The following ZNF609 variants were observed in gnomAD, a reference collection of about 807,000 sequenced individuals.
ZNF609 encodes zinc finger protein 609.
Under a neutral mutation model 109.5 loss-of-function variants are expected in ZNF609, and 11 were observed. The observed-to-expected ratio is 0.10, with a 90% confidence interval of 0.06 to 0.17. The LOEUF is 0.17. ZNF609 is among the 10% of genes least tolerant of loss of function. The probability of loss-of-function intolerance (pLI) is 1.00; values close to 1 mark genes in which losing one functional copy is unlikely to be tolerated. For synonymous variants in ZNF609, 646 were observed against 662.0 expected (o/e 0.98, Z 0.37); for missense variants, 1,559 against 1,772.4 (o/e 0.88, Z 2.16).
At chr15:64,667,717 A>G (rs926126236) in intron 3 of ZNF609, among the ~76,000 whole-genome samples, 2 of 152,028 alleles carry the variant, frequency 1.3e-5, no homozygotes, top group Admixed American at 6.6e-5. Flanking sequence ...TGTCTCAAAA[A>G]AAAAAGAAAA....
intron 3 of ZNF609, chr15:64,631,279 CTATCT>C: frequency 1.5e-6 from 1 of 661,780 alleles, no homozygotes; most frequent in East Asian, 3.0e-5. Flanking sequence ...TTTCAGGAAG[CTATCT>C]TGGCTTTTAG....
chr15:64,499,966 C>A lies in ZNF609; in HGVS notation c.547C>A (p.Pro183Thr). 1 of 1,614,042 alleles carries A rather than the reference C, an allele frequency of 6.2e-7. No individual in the cohort carries two copies. The highest frequency in any genetic ancestry group is 8.5e-7 in the Non-Finnish European group (1 of 1,180,000). Residue 183 changes from proline (P) to threonine (T), a missense_variant, in exon 2 of 10, where the codon CCT becomes ACT. Transcript: ENST00000326648. ...EGVGTCSEKDPGVLQPVPLGG... is the reference protein window; with the variant it reads ...EGVGTCSEKDTGVLQPVPLGG... The stretch of plus-strand genomic sequence containing the variant: ...AGTGGGGACTTGTTCAGAAAAGGAT[C>A]CTGGGGTCCTCCAGCCAGTTCCCTT...
chr15:64,598,549 G>T (rs1284068686), intron 2 of ZNF609, among the ~76,000 whole-genome samples: 4 of 151,164 alleles, frequency 2.6e-5, no homozygotes, highest in African/African-American at 9.7e-5. Flanking sequence ...ACATTAATGG[G>T]CCAATATAGT....
At chr15:64,543,586 G>A (rs528508015) in intron 2 of ZNF609, among the ~76,000 whole-genome samples, 8 of 151,794 alleles carry the variant, frequency 5.3e-5, no homozygotes, top group Non-Finnish European at 1.2e-4. Flanking sequence ...GGGATTACAG[G>A]CGCCCTGCCA....
chr15:64,658,052 TTC>T (rs1896516193), intron 3 of ZNF609, among the ~76,000 whole-genome samples: 1 of 152,160 alleles, frequency 6.6e-6, no homozygotes, highest in Non-Finnish European at 1.5e-5. Flanking sequence ...ATCCCCAGCT[TTC>T]TGTCTCCCAG....
intron 2 of ZNF609, among the ~76,000 whole-genome samples, chr15:64,575,358 A>G (rs999245278): frequency 1.3e-5 from 2 of 151,974 alleles, no homozygotes; most frequent in African/African-American, 4.8e-5. Flanking sequence ...TGGGAGGCGG[A>G]GGTTGCAGTG....
chr15:64,536,901 C>CTCG, intron 2 of ZNF609, among the ~76,000 whole-genome samples: 1 of 112,050 alleles, frequency 8.9e-6, no homozygotes. Flanking sequence ...CAGAGAGAGA[C>CTCG]CCTGTCTCAA....
At chr15:64,628,626 G>A (rs186872211) in intron 3 of ZNF609, among the ~76,000 whole-genome samples, 176 of 152,238 alleles carry the variant, frequency 1.2e-3, no homozygotes, top group Non-Finnish European at 2.1e-3. Context: ...TAGAACAGGA[G>A]GAGCAGAGAC....
chr15:64,670,526 C>A, intron 4 of ZNF609, 93 bp downstream of exon 4: 1 of 1,057,686 alleles, frequency 9.5e-7, no homozygotes, highest in Non-Finnish European at 1.5e-6. Context: ...GTACATCCAG[C>A]TTTTAAAGGA....
chr15:64,642,669 C>T (rs1482512295), intron 3 of ZNF609, among the ~76,000 whole-genome samples: 1 of 152,128 alleles, frequency 6.6e-6, no homozygotes, highest in Non-Finnish European at 1.5e-5. Context: ...TGGCACACTC[C>T]CGTAGTCCCA....
intron 2 of ZNF609, among the ~76,000 whole-genome samples, chr15:64,551,430 C>T (rs541457257): frequency 2.0e-5 from 3 of 152,032 alleles, no homozygotes; most frequent in South Asian, 2.1e-4. Flanking sequence ...CCGAGGCAGG[C>T]GGATAACCTG....
chr15:64,617,376 C>G lies in ZNF609; in HGVS notation c.748-5451C>G, dbSNP rs141846572. ...TAGCATGGTGGTGCACGTGTAGTCC[C>G]AGCTACTTGGGAGGCTGAGGTGGGA... On this transcript the variant is annotated intron_variant, in intron 2 of 9. Transcript: ENST00000326648. Among the ~76,000 whole-genome samples, 39 of 151,930 alleles carry G rather than the reference C, an allele frequency of 2.6e-4. No homozygotes were observed. In the East Asian group the frequency reaches 6.8e-3, roughly 26 times the overall value.
chr15:64,547,550 T>A (rs1894386223), intron 2 of ZNF609, among the ~76,000 whole-genome samples: 3 of 152,172 alleles, frequency 2.0e-5, no homozygotes, highest in Admixed American at 2.0e-4. Context: ...CTCTAAAGAA[T>A]GATAAAATCT....
At chr15:64,481,378 T>A (rs1391527930) in intron 1 of ZNF609, among the ~76,000 whole-genome samples, 1 of 146,566 alleles carries the variant, frequency 6.8e-6, no homozygotes, top group Admixed American at 7.1e-5. Flanking sequence ...TGGAGTGCAA[T>A]GGCGCGATCT....
At chr15:64,641,222 T>TC (rs1298843062) in intron 3 of ZNF609, among the ~76,000 whole-genome samples, 2 of 110,438 alleles carry the variant, frequency 1.8e-5, no homozygotes, top group Non-Finnish European at 1.9e-5. Flanking sequence ...GTGCTTTCTT[T>TC]TTTTTTTTTT....
rs184927578 is a variant in ZNF609 at position 64,491,661 on chromosome 15, A to C, written c.-127-7632A>C. On this transcript the variant is annotated intron_variant, in intron 1 of 9. Transcript: ENST00000326648. The stretch of plus-strand genomic sequence containing the variant: ...CAGGAGTTTGAGGCCAGCTTGGCCA[A>C]CGTGGTGAAACCCCATCCCTCTCAA... 3.9e-5 allele frequency among the ~76,000 whole-genome samples: 6 copies of C among 151,914 alleles called. No homozygotes were observed. The East Asian group carries it at 1.2e-3, about 30-fold the overall frequency.
At chr15:64,644,237 C>G (rs1896299756) in intron 3 of ZNF609, among the ~76,000 whole-genome samples, 1 of 152,168 alleles carries the variant, frequency 6.6e-6, no homozygotes, top group Non-Finnish European at 1.5e-5. Flanking sequence ...ATGGCTCACA[C>G]CTATAATCCC....
At chr15:64,462,070 C>A (rs1892949221) in intron 1 of ZNF609, among the ~76,000 whole-genome samples, 1 of 152,214 alleles carries the variant, frequency 6.6e-6, no homozygotes, top group Non-Finnish European at 1.5e-5. Flanking sequence ...GTCATAGGTT[C>A]AAGTCTTGTC....
chr15:64,627,282 A>G (rs1037195559), intron 3 of ZNF609, among the ~76,000 whole-genome samples: 2 of 152,206 alleles, frequency 1.3e-5, no homozygotes, highest in South Asian at 2.1e-4. Flanking sequence ...GAAAAAATGT[A>G]TAAGAAGCCT....
Sources: allele counts gnomAD v4.1 joint callset (sites outside exome capture counted in the v4.1 genomes callset), GRCh38; gene constraint gnomAD v4.1.1; transcripts MANE v1.5; gene names NCBI Gene and HGNC (gene_info 2026-07-23, HGNC 2026-07-21).